NEXMIF: variants seen among roughly 807,000 people sequenced by gnomAD.
NEXMIF encodes the protein neurite extension and migration factor.
In NEXMIF, 8 loss-of-function variants were observed where a neutral mutation model predicts 62.1. That is an observed-to-expected ratio of 0.13 (90% CI 0.08 to 0.23). The LOEUF (loss-of-function observed/expected upper bound fraction) is 0.23. Among genes scored for constraint, NEXMIF ranks in the 10% least tolerant of loss-of-function variants. The pLI is 1.00. For missense variants in NEXMIF, 976 were observed against 1,113.3 expected, an observed-to-expected ratio of 0.88 and a Z score of 1.75; for synonymous variants, 404 against 416.6, an observed-to-expected ratio of 0.97 and a Z score of 0.37.
At chrX:74,878,043 C>T (rs2080644641) in intron 1 of NEXMIF, among the ~76,000 whole-genome samples, 1 of 111,967 alleles carries the variant, frequency 8.9e-6, no homozygotes, top group Non-Finnish European at 1.9e-5. Flanking sequence ...GAACTGTGTT[C>T]CTTTGGAGGA....
At chrX:74,822,285 GTTTC>G (rs766188374) in intron 1 of NEXMIF, among the ~76,000 whole-genome samples, 21 of 111,997 alleles carry the variant, frequency 1.9e-4, no homozygotes, top group Non-Finnish European at 3.4e-4. Context: ...TTAGACAATG[GTTTC>G]TTGGATATGA....
In NEXMIF at chrX:74,800,779, T is replaced by G. The variant is rs767008210; in HGVS notation, c.-47-55082A>C. On this transcript the variant is annotated intron_variant, in intron 1 of 3. Transcript: ENST00000055682. The stretch of plus-strand genomic sequence containing the variant: ...TTACTAAATTTTATTTATTTAGCAA[T>G]TTTTTTCTTTTCCCCCACCCCAAAC... Among the ~76,000 whole-genome samples the G allele has an allele frequency of 3.3e-3, 365 of 111,481 alleles. 2 individuals carry two copies. The highest frequency in any genetic ancestry group is 0.011 in the African/African-American group (349 of 30,729).
intron 1 of NEXMIF, among the ~76,000 whole-genome samples, chrX:74,763,965 C>T (rs755776248): frequency 7.2e-5 from 8 of 111,449 alleles, no homozygotes; most frequent in African/African-American, 2.6e-4. Context: ...TTATTTCCTT[C>T]TCCTGCCTGA....
chrX:74,830,542 T>C lies in NEXMIF; in HGVS notation c.-47-84845A>G, dbSNP rs1170653476. Among the ~76,000 whole-genome samples the C allele has an allele frequency of 6.3e-5, 7 of 111,852 alleles. No individual in the cohort carries two copies. The Admixed American group carries it at 6.7e-4, about 11-fold the overall frequency. On this transcript the variant is annotated intron_variant, in intron 1 of 3. Coordinates refer to ENST00000055682, the MANE Select transcript of NEXMIF (RefSeq NM_001008537.3). ...GATAGCCTTGGCAATTCTGAGACTT[T>C]TGTGGTTCCAAATAAACTTTAGGTT...
In NEXMIF at chrX:74,742,516, C is replaced by T. The variant is rs775140424; in HGVS notation, c.2041G>A (p.Gly681Ser). The change falls in exon 3 of 4, where the codon GGT (glycine) becomes AGT (serine). Residue 681 changes from glycine (G) to serine (S), a missense_variant. Gly to Ser is a moderately conservative substitution (Grantham distance 56, BLOSUM62 0). Transcript: ENST00000055682. ...GATCCATTTGCACAGCTAGGAGCAC[C>T]CAGAGGTGCTGACTTCAGTGTACCT... is the stretch of plus-strand genomic sequence containing the variant. ...LKGTLKSAPL[G>S]APSCANGSHL... 1.1e-5 allele frequency: 13 copies of T among 1,208,160 alleles called. No homozygotes were observed. Among genetic ancestry groups the T allele is most frequent in the Admixed American group, 8.8e-5 (4 of 45,653 alleles).
chrX:74,844,731 C>A (rs1487221418), intron 1 of NEXMIF, among the ~76,000 whole-genome samples: 3 of 112,221 alleles, frequency 2.7e-5, no homozygotes, highest in Non-Finnish European at 3.8e-5. Context: ...AACTGCAAAA[C>A]ATTTTGGAAG....
At position 74,744,407 on chromosome X, in the gene NEXMIF, T is replaced by G; in HGVS notation, c.150A>C (p.Thr50=). ...TCAGGGTCTCTTTTTGTGCCACCGG[T>G]GTAGGCTGGATAGGTGCAGCAGCTT... is the stretch of plus-strand genomic sequence containing the variant. ...ALEAAAPIQP[T]PVAQKETLMY... is the part of the protein sequence containing the mutation. The change falls in exon 3 of 4, where the codon ACA becomes ACC. Residue 50 remains threonine (T), a synonymous_variant. Transcript: ENST00000055682. 8.3e-7 allele frequency: 1 copy of G among 1,209,946 alleles called. No homozygotes were observed. Among genetic ancestry groups the G allele is most frequent in the Non-Finnish European group, 1.1e-6 (1 of 894,445 alleles).
rs1376700859 is a variant in NEXMIF at position 74,734,758 on chromosome X, T to C, written c.*4647A>G. 2 of 111,982 alleles carry C rather than the reference T, an allele frequency of 1.8e-5. No homozygotes were observed. The highest frequency in any genetic ancestry group is 3.8e-5 in the Non-Finnish European group (2 of 53,176). 9.2% of individuals were successfully genotyped at this position (111,982 alleles called of 1,213,427 possible). On this transcript the variant is annotated 3_prime_UTR_variant, in exon 4 of 4. Transcript: ENST00000055682. ...TTAGTTACGATTCTGAAACCAAGAG[T>C]ACATCTCAAGTATGTAGCTGCAATG...
chrX:74,752,332 C>T (rs2080146955), intron 1 of NEXMIF, among the ~76,000 whole-genome samples: 1 of 110,493 alleles, frequency 9.1e-6, no homozygotes, highest in African/African-American at 3.3e-5. Flanking sequence ...GACAGGGCTC[C>T]GTATGTATCA....
intron 1 of NEXMIF, among the ~76,000 whole-genome samples, chrX:74,845,808 C>G (rs887850590): frequency 2.7e-5 from 3 of 110,106 alleles, no homozygotes; most frequent in Non-Finnish European, 3.8e-5. Context: ...AAAAAAAAAA[C>G]TATACATGAA....
chrX:74,859,069 G>A (rs1444945822), intron 1 of NEXMIF, among the ~76,000 whole-genome samples: 1 of 111,104 alleles, frequency 9.0e-6, no homozygotes, highest in Non-Finnish European at 1.9e-5. Flanking sequence ...TTAAAGAGAA[G>A]GTAGAGAAAG....
chrX:74,857,132 G>A (rs1331892428), intron 1 of NEXMIF, among the ~76,000 whole-genome samples: 2 of 111,962 alleles, frequency 1.8e-5, no homozygotes, highest in African/African-American at 6.5e-5. Context: ...ATGCTGAGCT[G>A]GGCTTAGAGC....
intron 1 of NEXMIF, among the ~76,000 whole-genome samples, chrX:74,847,960 CCTT>C (rs1000217280): frequency 3.6e-5 from 4 of 110,739 alleles, no homozygotes; most frequent in Admixed American, 9.6e-5. Context: ...GACTCCTCCC[CCTT>C]CTTCTAACTG....
intron 1 of NEXMIF, among the ~76,000 whole-genome samples, chrX:74,802,324 G>A (rs1325772785): frequency 3.6e-5 from 4 of 111,549 alleles, no homozygotes; most frequent in African/African-American, 9.8e-5. Context: ...CGGGGTGCTT[G>A]TGTCAGTCTA....
intron 1 of NEXMIF, among the ~76,000 whole-genome samples, chrX:74,788,301 T>A (rs995486235): frequency 8.9e-6 from 1 of 112,149 alleles, no homozygotes; most frequent in Non-Finnish European, 1.9e-5. Flanking sequence ...GATTTATTAA[T>A]GTATGATGCC....
intron 1 of NEXMIF, among the ~76,000 whole-genome samples, chrX:74,836,591 G>A (rs1033272356): frequency 9.0e-6 from 1 of 111,177 alleles, no homozygotes; most frequent in African/African-American, 3.3e-5. Context: ...CCAGGACCTA[G>A]GCCCTGGAAT....
chrX:74,790,620 C>T (rs1396792107), intron 1 of NEXMIF, among the ~76,000 whole-genome samples: 1 of 113,337 alleles, frequency 8.8e-6, no homozygotes, highest in East Asian at 2.7e-4. Context: ...ATGGAATGTT[C>T]TTCCATTTGT....
chrX:74,887,231 T>C (rs1355047132), intron 1 of NEXMIF, among the ~76,000 whole-genome samples: 11 of 111,580 alleles, frequency 9.9e-5, no homozygotes, highest in Non-Finnish European at 3.8e-5. Context: ...ATTCAGGACA[T>C]AGGCATGGGC....
chrX:74,904,646 T>G lies in NEXMIF; in HGVS notation c.-48+20237A>C, dbSNP rs771685659. 4.5e-5 allele frequency among the ~76,000 whole-genome samples: 5 copies of G among 111,854 alleles called. No homozygotes were observed. In the East Asian group the frequency reaches 1.4e-3, roughly 32 times the overall value. ...TTACTCTTCTGTATTTCCCATGCTTTATTAAAATGGATAATTTTTACGATG... is the reference window on the plus strand; with the variant it reads ...TTACTCTTCTGTATTTCCCATGCTTGATTAAAATGGATAATTTTTACGATG... On this transcript the variant is annotated intron_variant, in intron 1 of 3. Coordinates refer to ENST00000055682, the MANE Select transcript of NEXMIF (RefSeq NM_001008537.3).
Sources: gnomAD v4.1 joint callset for allele counts (sites outside exome capture counted in the v4.1 genomes callset) on GRCh38, gnomAD v4.1.1 for gene constraint, MANE v1.5 for transcripts, NCBI Gene and HGNC (gene_info 2026-07-23, HGNC 2026-07-21) for gene names.